Variants in PDPN observed in about 807,000 individuals in gnomAD.
PDPN encodes podoplanin.
A neutral mutation model predicts 23.2 loss-of-function variants in PDPN; 12 were observed. That is an observed-to-expected ratio of 0.52 (90% CI 0.33 to 0.84). The LOEUF (loss-of-function observed/expected upper bound fraction) is 0.84, where lower values mean the gene tolerates loss of function less well. PDPN is among the 40% of genes least tolerant of loss of function. The pLI is 0.02. For missense variants in PDPN, 199 were observed against 212.2 expected, an observed-to-expected ratio of 0.94 and a Z score of 0.39; for synonymous variants, 77 against 76.7, an observed-to-expected ratio of 1.00 and a Z score of -0.02.
intron 4 of PDPN, among the ~76,000 whole-genome samples, chr1:13,614,013 TA>T (rs1456081832): frequency 3.3e-5 from 5 of 151,504 alleles, no homozygotes. Context: ...AGGATGAAAA[TA>T]GGGGCCAACT....
rs756514325 is a variant in PDPN, at chr1:13,583,940, C to T, written c.-94C>T. On this transcript the variant is annotated 5_prime_UTR_variant, in exon 1 of 6. Coordinates refer to ENST00000621990, the MANE Select transcript of PDPN (RefSeq NM_006474.5). The stretch of plus-strand genomic sequence containing the variant: ...CGGCCCCCCCACCGTCGCGCTCCTC[C>T]AGGCTGGGCCTGTGGCCGCGGTGCT... The T allele has an allele frequency of 6.2e-7, 1 of 1,613,682 alleles. No individual in the cohort carries two copies. The highest frequency in any genetic ancestry group is 8.5e-7 in the Non-Finnish European group (1 of 1,179,978).
intron 1 of PDPN, among the ~76,000 whole-genome samples, chr1:13,592,045 T>G (rs113447436): frequency 7.5e-4 from 114 of 152,368 alleles, no homozygotes; most frequent in Non-Finnish European, 1.5e-3. Context: ...AGTTTCAATT[T>G]GCATTTTCCT....
intron 1 of PDPN, among the ~76,000 whole-genome samples, chr1:13,604,521 A>G (rs191658454): frequency 2.0e-5 from 3 of 152,336 alleles, no homozygotes; most frequent in Non-Finnish European, 4.4e-5. Context: ...GTAGAAAAGA[A>G]CAAGAAGGAA....
At chr1:13,596,073 C>A (rs1403468510) in intron 1 of PDPN, 1 of 337,552 alleles carries the variant, frequency 3.0e-6, no homozygotes, top group Non-Finnish European at 5.8e-6. Context: ...GTGGCAGGTG[C>A]CTGTAATCCC....
chr1:13,615,244 T>C (rs1239561393), intron 5 of PDPN, among the ~76,000 whole-genome samples: 1 of 151,416 alleles, frequency 6.6e-6, no homozygotes, highest in Admixed American at 6.6e-5. Context: ...GAATTCAGAA[T>C]ATCTACACTC....
At chr1:13,584,952 C>T (rs1332280726) in intron 1 of PDPN, among the ~76,000 whole-genome samples, 1 of 152,194 alleles carries the variant, frequency 6.6e-6, no homozygotes, top group Admixed American at 6.5e-5. Context: ...CCATTGACAT[C>T]TGTCAACATT....
chr1:13,614,462 C>A, intron 5 of PDPN, 51 bp downstream of exon 5: 2 of 940,072 alleles, frequency 2.1e-6, no homozygotes, highest in Non-Finnish European at 3.5e-6. Context: ...GCCATCGTGT[C>A]TAGAACTCAA....
At chr1:13,611,653 G>A (rs1640938440) in intron 3 of PDPN, among the ~76,000 whole-genome samples, 1 of 152,068 alleles carries the variant, frequency 6.6e-6, no homozygotes, top group Non-Finnish European at 1.5e-5. Flanking sequence ...GGTGGATGGT[G>A]GTGATGATTG....
intron 1 of PDPN, among the ~76,000 whole-genome samples, chr1:13,588,531 C>T (rs1268526850): frequency 7.4e-6 from 1 of 134,542 alleles, no homozygotes; most frequent in Non-Finnish European, 1.6e-5. Context: ...TTTAAACCTT[C>T]CCTGCCCAAA....
intron 1 of PDPN, among the ~76,000 whole-genome samples, chr1:13,585,011 T>C (rs1376667454): frequency 6.6e-6 from 1 of 152,208 alleles, no homozygotes; most frequent in Non-Finnish European, 1.5e-5. Context: ...CAATAGAACA[T>C]ATGTTCTGCA....
chr1:13,614,180 C>T lies in PDPN; in HGVS notation c.371-120C>T, dbSNP rs765349353. The T allele has an allele frequency of 2.6e-5, 16 of 611,608 alleles. No homozygotes were observed. In the Admixed American group the frequency reaches 3.0e-4, roughly 12 times the overall value. The allele number at this position is 611,608 out of a possible 1,614,324, so 37.9% of individuals were successfully genotyped here. On this transcript the variant is annotated intron_variant, in intron 4 of 5. Coordinates refer to ENST00000621990, the MANE Select transcript of PDPN (RefSeq NM_006474.5). ...TTGGAAGAAATGCTCCATGCTCAAA[C>T]AACATAGAGCAATATTTGCTATGTG...
chr1:13,595,785 G>A (rs1458538875), intron 1 of PDPN: 2 of 977,184 alleles, frequency 2.0e-6, no homozygotes, highest in Non-Finnish European at 2.8e-6. Context: ...CCCCTTTGCA[G>A]GTGCCGTGCT....
chr1:13,606,555 C>A (rs968468689), intron 1 of PDPN, among the ~76,000 whole-genome samples: 1 of 152,046 alleles, frequency 6.6e-6, no homozygotes, highest in African/African-American at 2.4e-5. Context: ...GTAGTCCCCG[C>A]TACTTTGGAG....
At chr1:13,598,916 G>A (rs1557542078) in intron 1 of PDPN, among the ~76,000 whole-genome samples, 1 of 152,064 alleles carries the variant, frequency 6.6e-6, no homozygotes, top group East Asian at 1.9e-4. Flanking sequence ...GTAGCGAGCA[G>A]GTAGCAGGGT....
chr1:13,609,948 C>T (rs1640891190), intron 2 of PDPN, among the ~76,000 whole-genome samples: 1 of 152,092 alleles, frequency 6.6e-6, no homozygotes, highest in African/African-American at 2.4e-5. Flanking sequence ...CCTGTAATCC[C>T]AGCTACTCGG....
intron 2 of PDPN, among the ~76,000 whole-genome samples, chr1:13,608,485 T>C (rs1330424302): frequency 6.6e-6 from 1 of 152,222 alleles, no homozygotes; most frequent in Non-Finnish European, 1.5e-5. Flanking sequence ...ACACTAAGCT[T>C]GTTCCAACTT....
intron 1 of PDPN, among the ~76,000 whole-genome samples, chr1:13,590,749 T>C (rs1295107686): frequency 6.6e-6 from 1 of 151,798 alleles, no homozygotes; most frequent in East Asian, 1.9e-4. Flanking sequence ...GACCTTTTTC[T>C]GTAGGCAGAA....
chr1:13,612,967 T>C (rs1005870078), intron 3 of PDPN, among the ~76,000 whole-genome samples: 4 of 151,320 alleles, frequency 2.6e-5, no homozygotes, highest in South Asian at 4.2e-4. Flanking sequence ...GGACTCGTTA[T>C]ATAAAGAGGT....
chr1:13,588,832 C>T (rs1392852963), intron 1 of PDPN, among the ~76,000 whole-genome samples: 1 of 151,710 alleles, frequency 6.6e-6, no homozygotes, highest in Admixed American at 6.6e-5. Context: ...GTGTGCACCA[C>T]CACACCCAAC....
Sources: allele counts gnomAD v4.1 joint callset (sites outside exome capture counted in the v4.1 genomes callset), GRCh38; gene constraint gnomAD v4.1.1; transcripts MANE v1.5; gene names NCBI Gene and HGNC (gene_info 2026-07-23, HGNC 2026-07-21).